The following ATG5 variants were observed in gnomAD, a reference collection of about 807,000 sequenced individuals.
ATG5 encodes autophagy protein 5.
ATG5 carries 14 observed loss-of-function variants against 36.5 expected under a neutral mutation model. That is an observed-to-expected ratio of 0.38 (90% confidence interval 0.25 to 0.60). The LOEUF (loss-of-function observed/expected upper bound fraction) is 0.60. Among genes scored for constraint, ATG5 ranks in the 20% least tolerant of loss-of-function variants. The pLI, the probability that ATG5 is intolerant of heterozygous loss-of-function variation, is 0.60. For synonymous variants in ATG5, 95 were observed against 101.5 expected, an observed-to-expected ratio of 0.94 and a Z score of 0.38; for missense variants, 195 against 326.7, an observed-to-expected ratio of 0.60 and a Z score of 3.11.
intron 6 of ATG5, among the ~76,000 whole-genome samples, chr6:106,234,434 C>A (rs1015479707): frequency 6.6e-6 from 1 of 152,170 alleles, no homozygotes; most frequent in African/African-American, 2.4e-5. Flanking sequence ...AGTAGGACCT[C>A]TTGTTTCCAA....
chr6:106,202,375 CA>C, intron 6 of ATG5: 1 of 239,924 alleles, frequency 4.2e-6, no homozygotes, highest in South Asian at 1.0e-4. Context: ...GCAAACAACA[CA>C]AAAAGATATC....
At chr6:106,318,584 T>C (rs1189087062) in intron 1 of ATG5, among the ~76,000 whole-genome samples, 3 of 152,224 alleles carry the variant, frequency 2.0e-5, no homozygotes, top group African/African-American at 7.2e-5. Context: ...TGGTACTTTA[T>C]TTCCCATATA....
intron 1 of ATG5, among the ~76,000 whole-genome samples, chr6:106,323,755 G>A (rs1333053446): frequency 6.6e-6 from 1 of 152,110 alleles, no homozygotes; most frequent in Admixed American, 6.5e-5. Context: ...AGTCAACATA[G>A]CAATCAGATC....
At chr6:106,243,500 C>A (rs1181873460) in intron 6 of ATG5, among the ~76,000 whole-genome samples, 1 of 150,130 alleles carries the variant, frequency 6.7e-6, no homozygotes, top group Admixed American at 6.7e-5. Context: ...TGCACTCAAG[C>A]CTGGGTGACA....
intron 1 of ATG5, among the ~76,000 whole-genome samples, chr6:106,322,988 C>T (rs1771149305): frequency 6.6e-6 from 1 of 151,696 alleles, no homozygotes; most frequent in Admixed American, 6.6e-5. Context: ...GGCGCAATCT[C>T]GGCTCTCTGC....
intron 7 of ATG5, among the ~76,000 whole-genome samples, chr6:106,196,695 C>T (rs931123916): frequency 2.0e-5 from 3 of 150,848 alleles, no homozygotes; most frequent in African/African-American, 7.3e-5. Context: ...TGCACTCCAG[C>T]CTGAGCAACA....
intron 4 of ATG5, among the ~76,000 whole-genome samples, chr6:106,288,703 C>A (rs1332763616): frequency 1.3e-5 from 2 of 152,136 alleles, no homozygotes; most frequent in Non-Finnish European, 2.9e-5. Flanking sequence ...CTGAATCCAA[C>A]CCAATGCTGC....
At chr6:106,210,177 A>G (rs1294549002) in intron 6 of ATG5, among the ~76,000 whole-genome samples, 3 of 152,180 alleles carry the variant, frequency 2.0e-5, no homozygotes, top group Non-Finnish European at 4.4e-5. Context: ...AAAGGTGGGG[A>G]CTCAAGACTC....
At chr6:106,285,078 C>T (rs889572793) in intron 4 of ATG5, among the ~76,000 whole-genome samples, 1 of 152,176 alleles carries the variant, frequency 6.6e-6, no homozygotes, top group South Asian at 2.1e-4. Flanking sequence ...TGATATTATC[C>T]CAGAGGCTCT....
chr6:106,325,018 G>A (rs1424613166), intron 1 of ATG5, among the ~76,000 whole-genome samples: 1 of 152,098 alleles, frequency 6.6e-6, no homozygotes, highest in East Asian at 1.9e-4. Context: ...TCAAGTTCAG[G>A]ATAATTTTAA....
At chr6:106,314,181 A>C (rs142455082) in intron 2 of ATG5, among the ~76,000 whole-genome samples, 1 of 152,222 alleles carries the variant, frequency 6.6e-6, no homozygotes, top group Non-Finnish European at 1.5e-5. Flanking sequence ...CAATTTAAAC[A>C]GGTCTATAAA....
intron 2 of ATG5, among the ~76,000 whole-genome samples, chr6:106,311,917 A>G (rs575257665): frequency 2.7e-5 from 4 of 150,552 alleles, no homozygotes; most frequent in Admixed American, 2.0e-4. Context: ...TGCAACGTCT[A>G]CCTCCCAGGT....
chr6:106,302,210 C>T (rs1385449559), intron 3 of ATG5, among the ~76,000 whole-genome samples: 1 of 151,872 alleles, frequency 6.6e-6, no homozygotes, highest in Non-Finnish European at 1.5e-5. Flanking sequence ...ACAAAGGATG[C>T]TGGAAAGAGC....
At chr6:106,297,785 T>C (rs1036933740) in intron 3 of ATG5, among the ~76,000 whole-genome samples, 20 of 146,412 alleles carry the variant, frequency 1.4e-4, no homozygotes, top group Non-Finnish European at 2.0e-4. Flanking sequence ...TTAAAGTTCA[T>C]TGGGGCTGGG....
chr6:106,186,326 A>G lies in ATG5; in HGVS notation c.*214T>C. On this transcript the variant is annotated 3_prime_UTR_variant, in exon 8 of 8. Transcript: ENST00000369076. Reference sequence around the variant, plus strand: ...CGGTAAGTCTTTCATGTCACAGCTGAGGTTTAATGATGGCAGTGGAGGAAA... The same window carrying G: ...CGGTAAGTCTTTCATGTCACAGCTGGGGTTTAATGATGGCAGTGGAGGAAA... 2.0e-6 allele frequency: 1 copy of G among 510,690 alleles called. No individual in the cohort carries two copies. Among genetic ancestry groups the G allele is most frequent in the Non-Finnish European group, 3.4e-6 (1 of 291,396 alleles). 31.6% of individuals were successfully genotyped at this position (510,690 alleles called of 1,614,324 possible).
At chr6:106,297,378 T>C (rs1416175944) in intron 3 of ATG5, among the ~76,000 whole-genome samples, 6 of 152,154 alleles carry the variant, frequency 3.9e-5, no homozygotes, top group East Asian at 3.9e-4. Flanking sequence ...CTCAGTCTAA[T>C]TGGTGTTGAT....
intron 6 of ATG5, among the ~76,000 whole-genome samples, chr6:106,234,273 A>G (rs1235980154): frequency 6.6e-6 from 1 of 152,104 alleles, no homozygotes; most frequent in Non-Finnish European, 1.5e-5. Context: ...AGCCTATTTA[A>G]TACCACCCTC....
At chr6:106,207,120 T>C (rs1776665195) in intron 6 of ATG5, among the ~76,000 whole-genome samples, 2 of 152,210 alleles carry the variant, frequency 1.3e-5, no homozygotes, top group South Asian at 4.1e-4. Flanking sequence ...TAAGTCACCT[T>C]TGAAACTGTC....
rs545420185 is a variant in ATG5 at position 106,296,540 on chromosome 6, G to A, written c.237-3434C>T. Among the ~76,000 whole-genome samples the A allele has an allele frequency of 8.3e-4, 127 of 152,310 alleles. 4 individuals are homozygous for A. In the South Asian group the frequency reaches 0.026, roughly 31 times the overall value. The stretch of plus-strand genomic sequence containing the variant: ...AAAGTGTAAAATAAGCATGCAGGCT[G>A]GGCGTGGTGGCTCACGCCTGTAATC... On this transcript the variant is annotated intron_variant, in intron 3 of 7. Transcript: ENST00000369076.
Sources: allele counts gnomAD v4.1 joint callset (sites outside exome capture counted in the v4.1 genomes callset), GRCh38; gene constraint gnomAD v4.1.1; transcripts MANE v1.5; gene names NCBI Gene and HGNC (gene_info 2026-07-23, HGNC 2026-07-21).